The following KCNB2 variants were observed in gnomAD, a reference collection of about 807,000 sequenced individuals.
The protein encoded by KCNB2 is potassium voltage-gated channel subfamily B member 2.
Under a neutral mutation model 61.5 loss-of-function variants are expected in KCNB2, and 15 were observed. The observed-to-expected ratio is 0.24, with a 90% CI of 0.16 to 0.38. KCNB2 has a LOEUF of 0.38. KCNB2 is among the 10% of genes least tolerant of loss of function. KCNB2 has a pLI of 1.00. For missense variants in KCNB2, 828 were observed against 1,125.2 expected (o/e 0.74, Z 3.78); for synonymous variants, 457 against 446.0 (o/e 1.02, Z -0.31).
chr8:72,600,016 A>C (rs1407680793), intron 2 of KCNB2, among the ~76,000 whole-genome samples: 3 of 152,354 alleles, frequency 2.0e-5, no homozygotes, highest in Admixed American at 2.0e-4. Flanking sequence ...TAGTTCAACC[A>C]TTGTGGAAGT....
intron 2 of KCNB2, among the ~76,000 whole-genome samples, chr8:72,756,239 G>A (rs1052040629): frequency 2.6e-5 from 4 of 152,158 alleles, no homozygotes; most frequent in Admixed American, 2.6e-4. Context: ...AGGAGCAGTG[G>A]CTCCCTCTCA....
chr8:72,903,503 C>T (rs1008828278), intron 2 of KCNB2, among the ~76,000 whole-genome samples: 2 of 152,270 alleles, frequency 1.3e-5, no homozygotes, highest in South Asian at 4.1e-4. Context: ...ATCTCTTGAG[C>T]CCAGGAGGTC....
At chr8:72,596,067 T>G (rs992318624) in intron 2 of KCNB2, among the ~76,000 whole-genome samples, 1 of 152,190 alleles carries the variant, frequency 6.6e-6, no homozygotes, top group Non-Finnish European at 1.5e-5. Flanking sequence ...GCATCTATTA[T>G]GTCCTAAGCA....
chr8:72,858,263 A>G (rs1261839569), intron 2 of KCNB2, among the ~76,000 whole-genome samples: 1 of 152,196 alleles, frequency 6.6e-6, no homozygotes, highest in African/African-American at 2.4e-5. Context: ...TAATATTTTA[A>G]AATCATTAAA....
chr8:72,575,858 G>A (rs1487388351), intron 2 of KCNB2, among the ~76,000 whole-genome samples: 2 of 152,120 alleles, frequency 1.3e-5, no homozygotes, highest in Non-Finnish European at 2.9e-5. Flanking sequence ...ATTAACAAAT[G>A]ACAATCCTAT....
chr8:72,805,959 C>T (rs1585904042), intron 2 of KCNB2, among the ~76,000 whole-genome samples: 1 of 152,280 alleles, frequency 6.6e-6, no homozygotes, highest in African/African-American at 2.4e-5. Flanking sequence ...CTGGCTGTGA[C>T]CTTGAGAAAC....
chr8:72,907,550 C>A (rs1806200960), intron 2 of KCNB2, among the ~76,000 whole-genome samples: 1 of 152,134 alleles, frequency 6.6e-6, no homozygotes, highest in Admixed American at 6.6e-5. Flanking sequence ...CTGCTTGAAG[C>A]CCCTCCCTAA....
chr8:72,799,826 GA>G (rs1809093422), intron 2 of KCNB2, among the ~76,000 whole-genome samples: 1 of 152,146 alleles, frequency 6.6e-6, no homozygotes, highest in Non-Finnish European at 1.5e-5. Context: ...ATTTTAGTCA[GA>G]AAGGCTTCTA....
chr8:72,851,840 A>AAAAAAAAAAAAAAAAAACAAAAC (rs1554538995), intron 2 of KCNB2, among the ~76,000 whole-genome samples: 1 of 134,462 alleles, frequency 7.4e-6, no homozygotes, highest in African/African-American at 3.0e-5. Context: ...AAAAAAAAAA[A>AAAAAAAAAAAAAAAAAACAAAAC]AAAAAAAACA....
chr8:72,593,415 T>C (rs1807131696), intron 2 of KCNB2, among the ~76,000 whole-genome samples: 1 of 152,230 alleles, frequency 6.6e-6, no homozygotes, highest in Admixed American at 6.5e-5. Context: ...AGAAACTGGC[T>C]CTGTGGTCTT....
chr8:72,633,963 A>G (rs1052891513), intron 2 of KCNB2, among the ~76,000 whole-genome samples: 1 of 146,840 alleles, frequency 6.8e-6, no homozygotes, highest in Non-Finnish European at 1.5e-5. Context: ...GAAAGGCAAG[A>G]GCCAAGGAGT....
chr8:72,795,527 T>C (rs1441103946), intron 2 of KCNB2, among the ~76,000 whole-genome samples: 1 of 152,196 alleles, frequency 6.6e-6, no homozygotes, highest in African/African-American at 2.4e-5. Context: ...CATGAGCAAA[T>C]CCATGTGCCA....
At chr8:72,699,965 C>T (rs907628103) in intron 2 of KCNB2, among the ~76,000 whole-genome samples, 2 of 152,012 alleles carry the variant, frequency 1.3e-5, no homozygotes, top group African/African-American at 4.8e-5. Flanking sequence ...CAATGATAGA[C>T]TGGATAAAGA....
intron 2 of KCNB2, among the ~76,000 whole-genome samples, chr8:72,633,396 T>A (rs1320774785): frequency 6.6e-6 from 1 of 152,166 alleles, no homozygotes; most frequent in South Asian, 2.1e-4. Context: ...TTCTTTTGGG[T>A]AATCCAGGAT....
chr8:72,649,882 G>C (rs1272386247), intron 2 of KCNB2, among the ~76,000 whole-genome samples: 1 of 152,038 alleles, frequency 6.6e-6, no homozygotes, highest in African/African-American at 2.4e-5. Context: ...AATTGCAACC[G>C]AAAGGATGAC....
At chr8:72,859,136 A>T (rs1291698969) in intron 2 of KCNB2, among the ~76,000 whole-genome samples, 1 of 152,176 alleles carries the variant, frequency 6.6e-6, no homozygotes, top group Non-Finnish European at 1.5e-5. Context: ...TGAATCTGGG[A>T]CACAAATGTT....
intron 1 of KCNB2, among the ~76,000 whole-genome samples, chr8:72,551,173 C>T (rs1490566355): frequency 6.6e-6 from 1 of 152,160 alleles, no homozygotes; most frequent in African/African-American, 2.4e-5. Flanking sequence ...TAACTGGACT[C>T]AGCTTCTTTT....
chr8:72,564,693 C>T (rs1453480860), intron 1 of KCNB2, among the ~76,000 whole-genome samples: 4 of 152,162 alleles, frequency 2.6e-5, no homozygotes, highest in African/African-American at 4.8e-5. Flanking sequence ...ACATCAGTGG[C>T]GCCAAAGACA....
chr8:72,569,210 G>A (rs982150267), intron 2 of KCNB2, among the ~76,000 whole-genome samples: 17 of 152,164 alleles, frequency 1.1e-4, no homozygotes, highest in African/African-American at 3.6e-4. Context: ...AGCTGCAGGA[G>A]TATAGTATTG....
Sources: allele counts gnomAD v4.1 joint callset (sites outside exome capture counted in the v4.1 genomes callset), GRCh38; gene constraint gnomAD v4.1.1; transcripts MANE v1.5; gene names NCBI Gene and HGNC (gene_info 2026-07-23, HGNC 2026-07-21).